The following SRI variants were observed in gnomAD, a reference collection of about 807,000 sequenced individuals.
The protein encoded by SRI is 22 kDa protein.
In SRI, 30 loss-of-function variants were observed where a neutral mutation model predicts 33.3. The ratio of observed to expected loss-of-function variants is 0.90; its 90% CI spans 0.67 to 1.22. The LOEUF is 1.22. SRI is among the 50% of genes most tolerant of loss of function. SRI has a pLI of 0.00. For missense variants in SRI, 243 were observed against 250.8 expected, an observed-to-expected ratio of 0.97 and a Z score of 0.21; for synonymous variants, 75 against 89.9, an observed-to-expected ratio of 0.83 and a Z score of 0.94.
chr7:88,226,156 A>G (rs1363205649), intron 1 of SRI, among the ~76,000 whole-genome samples: 2 of 152,152 alleles, frequency 1.3e-5, no homozygotes, highest in Non-Finnish European at 2.9e-5. Context: ...GGACTAGTAT[A>G]TTATGGGGGT....
intron 5 of SRI, 52 bp downstream of exon 5, chr7:88,209,931 A>C: frequency 6.2e-7 from 1 of 1,612,948 alleles, no homozygotes; most frequent in African/African-American, 1.3e-5. Flanking sequence ...TTAAAAATAA[A>C]AATCAACTTA....
rs754577392 is a variant in SRI at position 88,220,032 on chromosome 7, AGACTGC to A, written c.-12_-7del. ...GGATGCCCCGGGTACGCCATGCTGC[AGACTGC>A]GCCGCAGCCGCCCTCGCCCTGTGCG... On this transcript the variant is annotated 5_prime_UTR_variant, in exon 1 of 8. Transcript: ENST00000265729. 2 of 1,526,740 alleles carry A rather than the reference AGACTGC, an allele frequency of 1.3e-6. No individual in the cohort carries two copies. The highest frequency in any genetic ancestry group is 1.7e-6 in the Non-Finnish European group (2 of 1,143,082). 94.6% of individuals were successfully genotyped at this position (1,526,740 alleles called of 1,614,324 possible).
upstream of SRI, among the ~76,000 whole-genome samples, chr7:88,220,912 C>A (rs920603948): frequency 9.2e-5 from 14 of 152,142 alleles, no homozygotes; most frequent in African/African-American, 2.4e-5. Flanking sequence ...GGTTATTCTT[C>A]TTTACTTCAT....
At chr7:88,220,275 C>T (rs1278543454), upstream of SRI, among the ~76,000 whole-genome samples, 2 of 152,210 alleles carry the variant, frequency 1.3e-5, no homozygotes, top group African/African-American at 4.8e-5. Flanking sequence ...GGCCTACGAC[C>T]TGCGAGGCAA....
intron 1 of SRI, among the ~76,000 whole-genome samples, chr7:88,226,173 T>C (rs1379081479): frequency 6.6e-6 from 1 of 152,178 alleles, no homozygotes; most frequent in South Asian, 2.1e-4. Context: ...GGGTGTTAAT[T>C]CTAAAAGCTA....
At chr7:88,219,589 A>C in intron 1 of SRI, 1 of 219,874 alleles carries the variant, frequency 4.5e-6, no homozygotes, top group Non-Finnish European at 8.2e-6. Context: ...AAAGGGAGGA[A>C]GGTATATCAT....
upstream of SRI, among the ~76,000 whole-genome samples, chr7:88,222,013 T>C (rs560271610): frequency 2.8e-5 from 4 of 145,416 alleles, no homozygotes; most frequent in South Asian, 9.4e-4. Flanking sequence ...ACAAAGGACA[T>C]GAACTCATCA....
chr7:88,211,248 A>G (rs1851571620), intron 3 of SRI, among the ~76,000 whole-genome samples: 1 of 152,300 alleles, frequency 6.6e-6, no homozygotes, highest in Admixed American at 6.5e-5. Flanking sequence ...TGAGGTCAGG[A>G]GTTTGAGACC....
intron 2 of SRI, among the ~76,000 whole-genome samples, chr7:88,218,252 A>G (rs1851782306): frequency 6.6e-6 from 1 of 152,202 alleles, no homozygotes; most frequent in Admixed American, 6.5e-5. Context: ...CATACAACTC[A>G]GAATGCAGAC....
upstream of SRI, among the ~76,000 whole-genome samples, chr7:88,222,205 G>C (rs532502729): frequency 2.0e-5 from 3 of 151,008 alleles, no homozygotes; most frequent in South Asian, 4.2e-4. Context: ...TATATACCCA[G>C]TAATGGGATG....
intron 1 of SRI, among the ~76,000 whole-genome samples, chr7:88,225,859 T>C (rs1450632624): frequency 6.6e-6 from 1 of 152,026 alleles, no homozygotes. Context: ...ATGATAAGAG[T>C]TCATTTTAGT....
intron 1 of SRI, 183 bp from the exon 2 acceptor site, chr7:88,219,125 T>A (rs981264716): frequency 3.2e-6 from 2 of 631,192 alleles, no homozygotes; most frequent in African/African-American, 3.7e-5. Context: ...ACCCCGTAAT[T>A]TAAAAACTGG....
chr7:88,216,309 C>T (rs1235949820), intron 3 of SRI, among the ~76,000 whole-genome samples: 1 of 152,132 alleles, frequency 6.6e-6, no homozygotes, highest in Non-Finnish European at 1.5e-5. Flanking sequence ...TATTTCATTA[C>T]TCTCAGCTCA....
chr7:88,222,774 T>C (rs1460668517), upstream of SRI, among the ~76,000 whole-genome samples: 1 of 152,190 alleles, frequency 6.6e-6, no homozygotes, highest in Admixed American at 6.5e-5. Context: ...TAATAAATGG[T>C]GCTGGGAAAA....
Position 88,210,113 on chromosome 7 carries a change from T to C in SRI, c.267A>G (p.Thr89=). ...VSMLDRDMSG[T]MGFNEFKELW... ...GTTCTTTAAATTCATTGAAACCCAT[T>C]GTGCCAGACATATCTCTCTGAACTG... is the stretch of plus-strand genomic sequence containing the variant. The change falls in exon 5 of 8, where the codon ACA becomes ACG. Residue 89 remains threonine, a synonymous_variant. Coordinates refer to ENST00000265729, the MANE Select transcript of SRI (RefSeq NM_003130.4). 1 of 1,614,152 alleles carries C rather than the reference T, an allele frequency of 6.2e-7. No individual in the cohort carries two copies. Among genetic ancestry groups the C allele is most frequent in the Non-Finnish European group, 8.5e-7 (1 of 1,180,006 alleles).
upstream of SRI, among the ~76,000 whole-genome samples, chr7:88,222,377 A>G (rs1280123524): frequency 6.8e-6 from 1 of 146,994 alleles, no homozygotes; most frequent in African/African-American, 2.5e-5. Flanking sequence ...AATGATTGCC[A>G]TTCTAACTGG....
chr7:88,223,418 G>C (rs560572599), upstream of SRI, among the ~76,000 whole-genome samples: 1 of 152,264 alleles, frequency 6.6e-6, no homozygotes, highest in East Asian at 1.9e-4. Context: ...TCTACACCCA[G>C]GGGCAGGTAA....
chr7:88,218,739 T>G lies in SRI; in HGVS notation c.135+120A>C, dbSNP rs1160362265. On this transcript the variant is annotated intron_variant, in intron 2 of 7. Coordinates refer to ENST00000265729, the MANE Select transcript of SRI (RefSeq NM_003130.4). ...CTAAAATAAGAAACAACTTTTTTTT[T>G]CTTTTGCAGAAGCAAAGGGACTCAG... The G allele has an allele frequency of 1.9e-5, 16 of 862,962 alleles. No individual in the cohort carries two copies. In the Admixed American group the frequency reaches 3.8e-4, roughly 20 times the overall value. 53.5% of individuals were successfully genotyped at this position (862,962 alleles called of 1,614,324 possible). A position where few individuals can be genotyped will look rare whatever the true frequency, so the allele number is the denominator to read the frequency against.
chr7:88,226,773 T>G (rs1852007894), intron 1 of SRI: 1 of 854,304 alleles, frequency 1.2e-6, no homozygotes, highest in East Asian at 2.9e-5. Flanking sequence ...GAACCTGGAT[T>G]AATTGATTCT....
Sources: gnomAD v4.1 joint callset for allele counts (sites outside exome capture counted in the v4.1 genomes callset) on GRCh38, gnomAD v4.1.1 for gene constraint, MANE v1.5 for transcripts, NCBI Gene and HGNC (gene_info 2026-07-23, HGNC 2026-07-21) for gene names.